Variants in SND1 observed in about 807,000 individuals in gnomAD.
SND1 encodes staphylococcal nuclease domain-containing protein 1.
Under a neutral mutation model 121.7 loss-of-function variants are expected in SND1, and 38 were observed. The observed-to-expected ratio is 0.31, with a 90% CI of 0.24 to 0.41. The LOEUF (loss-of-function observed/expected upper bound fraction) is 0.41. Ranked by LOEUF, SND1 falls within the 10% of genes least tolerant of loss-of-function variation. The pLI, the probability that SND1 is intolerant of heterozygous loss-of-function variation, is 1.00. For synonymous variants in SND1, 401 were observed against 447.4 expected (o/e 0.90, Z 1.31); for missense variants, 868 against 1,184.6 (o/e 0.73, Z 3.92).
intron 8 of SND1, 65 bp from the exon 9 acceptor site, chr7:127,707,492 C>T (rs1015796095): frequency 1.2e-5 from 16 of 1,311,536 alleles, no homozygotes; most frequent in Non-Finnish European, 1.7e-5. Flanking sequence ...CAACTGTGCT[C>T]CCATGGTAGT....
At chr7:127,806,112 T>A (rs1250087386) in intron 10 of SND1, among the ~76,000 whole-genome samples, 1 of 152,326 alleles carries the variant, frequency 6.6e-6, no homozygotes, top group South Asian at 2.1e-4. Context: ...TTGGAACTTA[T>A]AGGCTTCTGG....
intron 15 of SND1, among the ~76,000 whole-genome samples, chr7:127,952,401 C>T (rs1801481295): frequency 6.6e-6 from 1 of 152,164 alleles, no homozygotes; most frequent in Non-Finnish European, 1.5e-5. Context: ...TAGAGATCAT[C>T]ACTATTTCCA....
Position 127,844,328 on chromosome 7 carries a change from A to T in SND1, c.1247A>T (p.Asn416Ile). The stretch of plus-strand genomic sequence containing the variant: ...CCCTTGATTCTTTGTTTCCAGGTCA[A>T]TGTGACGGTGGACTACATTAGACCA... ...LRKKLIGKKV[N>I]VTVDYIRPAS... is the part of the protein sequence containing the mutation. The change falls in exon 12 of 24, where the codon AAT becomes ATT. Residue 416 changes from asparagine (N) to isoleucine (I), a missense_variant. By Grantham distance (149) the Asn-to-Ile change is moderately radical (BLOSUM62 -3). Around this residue, in one of 2 missense-constraint regions of SND1, gnomAD observed 743 missense variants for 1,071.3 expected, o/e 0.69. Coordinates refer to ENST00000354725, the MANE Select transcript of SND1 (RefSeq NM_014390.4). 6.2e-7 allele frequency: 1 copy of T among 1,612,794 alleles called. No individual in the cohort carries two copies. The highest frequency in any genetic ancestry group is 8.5e-7 in the Non-Finnish European group (1 of 1,179,374).
At position 127,844,564 on chromosome 7, in the gene SND1, T is replaced by C. The variant is rs1799022892; in HGVS notation, c.1343+140T>C. The C allele has an allele frequency of 6.7e-6, 4 of 600,990 alleles. No individual in the cohort carries two copies. In the East Asian group the frequency reaches 1.2e-4, roughly 17 times the overall value. The allele number at this position is 600,990 out of a possible 1,614,324, so 37.2% of individuals were successfully genotyped here. ...AGTGGTTTATAATTTTGTGCCTGTGTAGCACTTTATATTTGTAAGTACTTT... is the reference window on the plus strand; with the variant it reads ...AGTGGTTTATAATTTTGTGCCTGTGCAGCACTTTATATTTGTAAGTACTTT... On this transcript the variant is annotated intron_variant, in intron 12 of 23. Coordinates refer to ENST00000354725, the MANE Select transcript of SND1 (RefSeq NM_014390.4).
chr7:127,737,164 A>G (rs1482777317), intron 10 of SND1, among the ~76,000 whole-genome samples: 4 of 152,240 alleles, frequency 2.6e-5, no homozygotes, highest in African/African-American at 9.6e-5. Context: ...CTTGAGGAGG[A>G]TGATGCTGCC....
intron 14 of SND1, among the ~76,000 whole-genome samples, chr7:127,921,527 G>A (rs1800705153): frequency 6.6e-6 from 1 of 152,068 alleles, no homozygotes; most frequent in South Asian, 2.1e-4. Flanking sequence ...TTAAAATATT[G>A]TATATTCTTC....
chr7:127,886,649 A>G (rs1799914319), intron 12 of SND1, among the ~76,000 whole-genome samples: 2 of 152,136 alleles, frequency 1.3e-5, no homozygotes, highest in African/African-American at 4.8e-5. Flanking sequence ...ATAGTTAATT[A>G]TACTTAATTT....
chr7:127,814,960 T>C (rs967169007), intron 11 of SND1, among the ~76,000 whole-genome samples: 7 of 152,206 alleles, frequency 4.6e-5, no homozygotes, highest in African/African-American at 1.4e-4. Flanking sequence ...GCCCCTTGTT[T>C]TAATGTATTT....
intron 12 of SND1, among the ~76,000 whole-genome samples, chr7:127,881,066 GC>G (rs910520711): frequency 6.6e-6 from 1 of 152,108 alleles, no homozygotes; most frequent in African/African-American, 2.4e-5. Context: ...TCTGAGGGCA[GC>G]TCTGAGGGAT....
chr7:127,808,148 G>A (rs1369372181), intron 11 of SND1, among the ~76,000 whole-genome samples: 1 of 146,326 alleles, frequency 6.8e-6, no homozygotes, highest in Non-Finnish European at 1.5e-5. Context: ...AGATTTTTGT[G>A]TAGCTTGATG....
intron 12 of SND1, among the ~76,000 whole-genome samples, chr7:127,874,159 A>G (rs1399591820): frequency 6.6e-6 from 1 of 152,130 alleles, no homozygotes; most frequent in Non-Finnish European, 1.5e-5. Flanking sequence ...TTTAATAGGC[A>G]GAGACTCTGT....
chr7:127,800,710 G>A (rs1014893801), intron 10 of SND1, among the ~76,000 whole-genome samples: 27 of 152,152 alleles, frequency 1.8e-4, no homozygotes, highest in African/African-American at 5.1e-4. Flanking sequence ...GTGCTTCAGA[G>A]CCTTGTTTTT....
At chr7:127,766,855 G>A (rs978879232) in intron 10 of SND1, among the ~76,000 whole-genome samples, 1 of 144,704 alleles carries the variant, frequency 6.9e-6, no homozygotes, top group African/African-American at 2.5e-5. Context: ...AAAATTTGGT[G>A]CAACTATGTA....
At chr7:127,924,125 A>T (rs1269110676) in intron 14 of SND1, among the ~76,000 whole-genome samples, 2 of 152,042 alleles carry the variant, frequency 1.3e-5, no homozygotes, top group Non-Finnish European at 2.9e-5. Flanking sequence ...AGCAGTACAG[A>T]GAGCTTCATA....
chr7:127,931,791 T>C (rs1298560564), intron 15 of SND1, among the ~76,000 whole-genome samples: 2 of 152,248 alleles, frequency 1.3e-5, no homozygotes, highest in Non-Finnish European at 2.9e-5. Flanking sequence ...AAATCTACTC[T>C]GCCTGTGCTC....
intron 16 of SND1, among the ~76,000 whole-genome samples, chr7:128,043,863 TACACACACAC>T (rs10591985): frequency 4.4e-4 from 66 of 149,666 alleles, no homozygotes; most frequent in East Asian, 5.9e-4. Context: ...TATACACATA[TACACACACAC>T]ACACACACAC....
rs573783091 is a variant in SND1 at position 127,860,470 on chromosome 7, C to G, written c.1343+16046C>G. Among the ~76,000 whole-genome samples, 14 of 152,290 alleles carry G rather than the reference C, an allele frequency of 9.2e-5. 1 individual carries two copies. The South Asian group carries it at 2.1e-3, about 23-fold the overall frequency. On this transcript the variant is annotated intron_variant, in intron 12 of 23. Coordinates refer to ENST00000354725, the MANE Select transcript of SND1 (RefSeq NM_014390.4). ...TCAGACTTTACCCAAATAGTTAATT[C>G]TTAGTGATCTCCACCAGTTAATTCA...
At chr7:127,712,991 C>T (rs1252586139) in intron 9 of SND1, among the ~76,000 whole-genome samples, 1 of 152,240 alleles carries the variant, frequency 6.6e-6, no homozygotes, top group Non-Finnish European at 1.5e-5. Context: ...ATTTGGCTCA[C>T]ATTTGCCAAA....
chr7:127,958,524 C>G (rs996247644), intron 15 of SND1, among the ~76,000 whole-genome samples: 2 of 152,038 alleles, frequency 1.3e-5, no homozygotes, highest in Non-Finnish European at 2.9e-5. Context: ...TCAGGATTGG[C>G]AGGAATGTTT....
Sources: gnomAD v4.1 joint callset for allele counts (sites outside exome capture counted in the v4.1 genomes callset) on GRCh38, gnomAD v4.1.1 for gene constraint, gnomAD v4.1.1 regional missense constraint, MANE v1.5 for transcripts, NCBI Gene and HGNC (gene_info 2026-07-23, HGNC 2026-07-21) for gene names.